Variants in SLC30A6 observed in about 807,000 individuals in gnomAD.
SLC30A6 encodes zinc transporter 6.
In SLC30A6, 55 loss-of-function variants were observed where a neutral mutation model predicts 63.0. That is an observed-to-expected ratio of 0.87 (90% confidence interval 0.70 to 1.09). The LOEUF (loss-of-function observed/expected upper bound fraction) is 1.09, where lower values mean the gene tolerates loss of function less well. Among genes scored for constraint, SLC30A6 ranks in the 50% least tolerant of loss-of-function variants. The probability of loss-of-function intolerance (pLI) is 0.00; values close to 1 mark genes in which losing one functional copy is unlikely to be tolerated. For synonymous variants in SLC30A6, 224 were observed against 186.1 expected (o/e 1.20, Z -1.66); for missense variants, 587 against 549.2 (o/e 1.07, Z -0.69).
At chr2:32,188,267 T>G (rs1448121227) in intron 5 of SLC30A6, among the ~76,000 whole-genome samples, 1 of 152,228 alleles carries the variant, frequency 6.6e-6, no homozygotes, top group East Asian at 1.9e-4. Flanking sequence ...TAAATGCTAA[T>G]TTCCATTAAG....
intron 1 of SLC30A6, among the ~76,000 whole-genome samples, chr2:32,168,113 G>C (rs563452478): frequency 6.6e-6 from 1 of 152,148 alleles, no homozygotes; most frequent in Non-Finnish European, 1.5e-5. Flanking sequence ...GTCATGCAGG[G>C]AAACAGTATT....
intron 4 of SLC30A6, among the ~76,000 whole-genome samples, chr2:32,180,482 A>G (rs770380753): frequency 6.6e-6 from 1 of 152,028 alleles, no homozygotes; most frequent in African/African-American, 2.4e-5. Context: ...AAGCTAGAGT[A>G]CAGTGGCACG....
intron 10 of SLC30A6, among the ~76,000 whole-genome samples, chr2:32,200,616 G>A (rs1360557787): frequency 5.3e-5 from 8 of 150,872 alleles, no homozygotes; most frequent in Non-Finnish European, 7.4e-5. Flanking sequence ...GATTAAGGGC[G>A]GTGCAAGATG....
intron 13 of SLC30A6, among the ~76,000 whole-genome samples, chr2:32,217,052 CA>C (rs751392304): frequency 1.1e-4 from 17 of 150,222 alleles, no homozygotes; most frequent in South Asian, 2.1e-4. Context: ...CCACGCCCGG[CA>C]AATTTTTTTT....
At chr2:32,220,167 A>T (rs772068275) in intron 13 of SLC30A6, 46 bp from the exon 14 acceptor site, 30 of 1,529,396 alleles carry the variant, frequency 2.0e-5, no homozygotes, top group Non-Finnish European at 2.5e-5. Flanking sequence ...ATTTTTTGTT[A>T]GTATAATTCT....
intron 7 of SLC30A6, among the ~76,000 whole-genome samples, 165 bp downstream of exon 7, chr2:32,193,118 C>T (rs986029637): frequency 6.6e-6 from 1 of 152,144 alleles, no homozygotes; most frequent in Non-Finnish European, 1.5e-5. Flanking sequence ...TTTCTTTACT[C>T]TTAACAGTTC....
At chr2:32,215,661 T>C (rs1308362746) in intron 13 of SLC30A6, among the ~76,000 whole-genome samples, 1 of 151,572 alleles carries the variant, frequency 6.6e-6, no homozygotes, top group Admixed American at 6.6e-5. Flanking sequence ...CCTTGATACT[T>C]GTCTCTGTTC....
rs549327885 is a variant in SLC30A6 at position 32,223,837 on chromosome 2, G to C, written c.*3124G>C. On this transcript the variant is annotated 3_prime_UTR_variant, in exon 14 of 14. Transcript: ENST00000282587. ...GGCAGGGTACCCTTAGTTTATATAG[G>C]GTACAAAAGAATGGGAAACATCTTC... 1 of 151,936 alleles carries C rather than the reference G, an allele frequency of 6.6e-6. No homozygotes were observed. Among genetic ancestry groups the C allele is most frequent in the Non-Finnish European group, 1.5e-5 (1 of 67,982 alleles). The allele number at this position is 151,936 out of a possible 1,614,324, so 9.4% of individuals were successfully genotyped here. A position where few individuals can be genotyped will look rare whatever the true frequency, so the allele number is the denominator to read the frequency against.
At chr2:32,169,232 G>A (rs1020081537) in intron 1 of SLC30A6, among the ~76,000 whole-genome samples, 1 of 152,070 alleles carries the variant, frequency 6.6e-6, no homozygotes, top group Non-Finnish European at 1.5e-5. Context: ...CTTGAGTAAA[G>A]TGTGAACCTG....
chr2:32,180,549 T>TAGCCGCCCG (rs1444632008), intron 4 of SLC30A6, among the ~76,000 whole-genome samples: 1 of 152,212 alleles, frequency 6.6e-6, no homozygotes, highest in South Asian at 2.1e-4. Flanking sequence ...TCTCCTGTCT[T>TAGCCGCCCG]AGCCGCCCGA....
intron 4 of SLC30A6, chr2:32,177,489 A>G (rs1383952366): frequency 1.2e-5 from 3 of 245,462 alleles, no homozygotes; most frequent in Admixed American, 1.1e-4. Flanking sequence ...ACGGGGTTTC[A>G]CCATTTTGGC....
At position 32,222,746 on chromosome 2, in the gene SLC30A6, A is replaced by G. The variant is rs1686208278; in HGVS notation, c.*2033A>G. ...TTTTCCAACTATTACTGTATCTGTT[A>G]TTGGTCTACTATTACAGGATGATTC... On this transcript the variant is annotated 3_prime_UTR_variant, in exon 14 of 14. Transcript: ENST00000282587. 6.6e-6 allele frequency: 1 copy of G among 152,146 alleles called. No homozygotes were observed. The highest frequency in any genetic ancestry group is 1.5e-5 in the Non-Finnish European group (1 of 68,022). The allele number at this position is 152,146 out of a possible 1,614,324, so 9.4% of individuals were successfully genotyped here.
At chr2:32,204,000 C>G in intron 10 of SLC30A6, 2 of 703,372 alleles carry the variant, frequency 2.8e-6, no homozygotes, top group Non-Finnish European at 5.0e-6. Flanking sequence ...GGAGTTTTGA[C>G]TATTTGATAG....
intron 13 of SLC30A6, among the ~76,000 whole-genome samples, chr2:32,218,170 C>T (rs1685867186): frequency 6.6e-6 from 1 of 152,078 alleles, no homozygotes; most frequent in African/African-American, 2.4e-5. Flanking sequence ...CCCGTAATCC[C>T]AGCACTTTGG....
At chr2:32,192,565 A>T (rs1432665343) in intron 6 of SLC30A6, 149 bp downstream of exon 6, 1 of 645,762 alleles carries the variant, frequency 1.5e-6, no homozygotes. Context: ...TATGTTTCAG[A>T]CTTTTTCTTC....
intron 12 of SLC30A6, 57 bp from the exon 13 acceptor site, chr2:32,209,436 C>G (rs1685062908): frequency 1.5e-6 from 2 of 1,375,336 alleles, no homozygotes. Flanking sequence ...TGTGACTAAA[C>G]TGCATTGGAT....
rs140386717 is a variant in SLC30A6 at position 32,178,350 on chromosome 2, C to G, written c.218+2989C>G. Among the ~76,000 whole-genome samples the G allele has an allele frequency of 5.1e-3, 773 of 152,078 alleles. 5 individuals are homozygous for G. The highest frequency in any genetic ancestry group is 0.017 in the African/African-American group (711 of 41,482). ...TCATTTGTTGAAAAGACTACTTTCCCCATTGAATTGCCTTGGTACCCTTGT... is the reference window on the plus strand; with the variant it reads ...TCATTTGTTGAAAAGACTACTTTCCGCATTGAATTGCCTTGGTACCCTTGT... On this transcript the variant is annotated intron_variant, in intron 4 of 13. Coordinates refer to ENST00000282587, the MANE Select transcript of SLC30A6 (RefSeq NM_017964.5).
intron 4 of SLC30A6, among the ~76,000 whole-genome samples, chr2:32,178,226 C>T (rs1263138716): frequency 3.3e-5 from 5 of 151,966 alleles, no homozygotes; most frequent in East Asian, 3.9e-4. Context: ...GGATTACAGA[C>T]GTGAGCCACC....
chr2:32,188,629 G>T (rs2163641), intron 5 of SLC30A6, among the ~76,000 whole-genome samples: 16 of 152,114 alleles, frequency 1.1e-4, no homozygotes, highest in Admixed American at 2.0e-4. Context: ...GGGAGGCGGA[G>T]ACTGCAGTGA....
Sources: allele counts gnomAD v4.1 joint callset (sites outside exome capture counted in the v4.1 genomes callset), GRCh38; gene constraint gnomAD v4.1.1; transcripts MANE v1.5; gene names NCBI Gene and HGNC (gene_info 2026-07-23, HGNC 2026-07-21).